HECW1: variants seen among roughly 807,000 people sequenced by gnomAD.
The protein encoded by HECW1 is E3 ubiquitin-protein ligase HECW1.
A neutral mutation model predicts 182.3 loss-of-function variants in HECW1; 61 were observed. The observed-to-expected ratio is 0.33, with a 90% CI of 0.27 to 0.41. The LOEUF is 0.41. Among genes scored for constraint, HECW1 ranks in the 10% least tolerant of loss-of-function variants. The pLI is 1.00. For synonymous variants in HECW1, 859 were observed against 832.6 expected (o/e 1.03, Z -0.55); for missense variants, 1,739 against 2,108.9 (o/e 0.82, Z 3.44).
At chr7:43,365,054 G>C (rs1186475947) in intron 6 of HECW1, among the ~76,000 whole-genome samples, 2 of 152,206 alleles carry the variant, frequency 1.3e-5, no homozygotes, top group Admixed American at 6.5e-5. Flanking sequence ...AGGCTGCCCT[G>C]CTGGGTCTAG....
chr7:43,547,967 C>T (rs1020287172), intron 26 of HECW1, among the ~76,000 whole-genome samples: 15 of 152,170 alleles, frequency 9.9e-5, no homozygotes, highest in Admixed American at 3.9e-4. Context: ...GCAACACTTG[C>T]GTTCATCGCA....
chr7:43,205,175 T>C (rs973412120), intron 2 of HECW1, among the ~76,000 whole-genome samples: 110 of 152,040 alleles, frequency 7.2e-4, no homozygotes, highest in Middle Eastern at 3.4e-3. Flanking sequence ...CCTTCACCTC[T>C]TGGGTTCAAG....
chr7:43,177,426 C>G (rs949522952), intron 2 of HECW1, among the ~76,000 whole-genome samples: 6 of 152,178 alleles, frequency 3.9e-5, no homozygotes, highest in Admixed American at 3.3e-4. Flanking sequence ...GAGCCTGATC[C>G]CAGGGCAGTC....
intron 2 of HECW1, among the ~76,000 whole-genome samples, chr7:43,211,442 G>A (rs1446249864): frequency 1.3e-5 from 2 of 152,108 alleles, no homozygotes; most frequent in East Asian, 1.9e-4. Context: ...GGACGCTAGG[G>A]ATGCAGGGAG....
intron 17 of HECW1, among the ~76,000 whole-genome samples, chr7:43,484,794 C>G (rs1431215079): frequency 6.6e-6 from 1 of 152,178 alleles, no homozygotes; most frequent in East Asian, 1.9e-4. Context: ...TTGACACTTT[C>G]ACTTGCATTT....
intron 5 of HECW1, among the ~76,000 whole-genome samples, chr7:43,333,953 A>G (rs1274564807): frequency 2.6e-5 from 4 of 152,196 alleles, no homozygotes; most frequent in Admixed American, 2.6e-4. Flanking sequence ...CCAGTTTAGC[A>G]ACTCCTCCTC....
intron 7 of HECW1, among the ~76,000 whole-genome samples, chr7:43,406,757 A>C (rs2075623752): frequency 6.6e-6 from 1 of 152,100 alleles, no homozygotes; most frequent in Non-Finnish European, 1.5e-5. Flanking sequence ...GTCTCTACTA[A>C]AAATACAAAA....
At chr7:43,199,735 T>A (rs1462742321) in intron 2 of HECW1, among the ~76,000 whole-genome samples, 1 of 152,208 alleles carries the variant, frequency 6.6e-6, no homozygotes, top group Non-Finnish European at 1.5e-5. Flanking sequence ...AATATAGAAT[T>A]TTATCCAAAA....
intron 21 of HECW1, 79 bp downstream of exon 21, chr7:43,501,401 G>A: frequency 1.3e-6 from 1 of 772,406 alleles, no homozygotes; most frequent in South Asian, 1.6e-5. Context: ...AAAGGCAACT[G>A]TATGTGTGTG....
At chr7:43,501,175 TTTTC>T (rs753280040) in intron 20 of HECW1, 34 bp from the exon 21 acceptor site, 6 of 1,250,270 alleles carry the variant, frequency 4.8e-6, no homozygotes, top group African/African-American at 3.1e-5. Flanking sequence ...ACTGACTTTC[TTTTC>T]TTTCTTTTTT....
intron 26 of HECW1, among the ~76,000 whole-genome samples, chr7:43,544,543 C>T (rs1029507168): frequency 6.6e-6 from 1 of 152,086 alleles, no homozygotes; most frequent in African/African-American, 2.4e-5. Context: ...CTATGAAAGG[C>T]ACTTTGGTGA....
chr7:43,408,585 C>A (rs1451954932), intron 8 of HECW1, among the ~76,000 whole-genome samples: 1 of 151,972 alleles, frequency 6.6e-6, no homozygotes, highest in Non-Finnish European at 1.5e-5. Context: ...ACTGGAGAGG[C>A]TGATGTGGGA....
At chr7:43,485,190 A>T (rs1309083000) in intron 17 of HECW1, among the ~76,000 whole-genome samples, 3 of 152,226 alleles carry the variant, frequency 2.0e-5, no homozygotes, top group Non-Finnish European at 2.9e-5. Flanking sequence ...CTTTAGAAGC[A>T]GAAGTCACTC....
intron 11 of HECW1, among the ~76,000 whole-genome samples, chr7:43,447,997 C>T (rs1340175464): frequency 1.8e-4 from 27 of 151,752 alleles, no homozygotes; most frequent in Non-Finnish European, 1.8e-4. Context: ...TAGCTGGGCA[C>T]GGTGGCGGGC....
chr7:43,409,795 A>C (rs2075736926), intron 8 of HECW1, among the ~76,000 whole-genome samples: 1 of 152,170 alleles, frequency 6.6e-6, no homozygotes, highest in Non-Finnish European at 1.5e-5. Context: ...GTTGCTGCAA[A>C]ACTGTCCATT....
intron 2 of HECW1, among the ~76,000 whole-genome samples, chr7:43,160,298 T>C (rs888991362): frequency 6.6e-6 from 1 of 152,152 alleles, no homozygotes; most frequent in Non-Finnish European, 1.5e-5. Flanking sequence ...TTTTTGTTAA[T>C]TTTTTTTATG....
chr7:43,445,861 A>G (rs966826162), intron 11 of HECW1, among the ~76,000 whole-genome samples: 3 of 152,312 alleles, frequency 2.0e-5, no homozygotes, highest in African/African-American at 7.2e-5. Flanking sequence ...AATCACCAGA[A>G]CTGGTTAGTG....
chr7:43,378,939 A>G (rs1168215616), intron 6 of HECW1, among the ~76,000 whole-genome samples: 2 of 152,200 alleles, frequency 1.3e-5, no homozygotes, highest in African/African-American at 4.8e-5. Flanking sequence ...GAAAGAAAAT[A>G]GGGACAACCT....
intron 2 of HECW1, among the ~76,000 whole-genome samples, chr7:43,188,593 G>A (rs1793623074): frequency 1.3e-5 from 2 of 152,192 alleles, no homozygotes; most frequent in African/African-American, 4.8e-5. Flanking sequence ...AATGTTGGAG[G>A]TGTTTCCTTG....
Sources: gnomAD v4.1 joint callset for allele counts (sites outside exome capture counted in the v4.1 genomes callset) on GRCh38, gnomAD v4.1.1 for gene constraint, MANE v1.5 for transcripts, NCBI Gene and HGNC (gene_info 2026-07-23, HGNC 2026-07-21) for gene names.